The following RABGEF1 variants were observed in gnomAD, a reference collection of about 807,000 sequenced individuals.
RABGEF1 encodes the protein rab5 GDP/GTP exchange factor.
A neutral mutation model predicts 57.3 loss-of-function variants in RABGEF1; 26 were observed. The observed-to-expected ratio is 0.45, with a 90% CI of 0.33 to 0.63. The LOEUF (loss-of-function observed/expected upper bound fraction) is 0.63, where lower values mean the gene tolerates loss of function less well. Ranked by LOEUF, RABGEF1 falls within the 20% of genes least tolerant of loss-of-function variation. The pLI is 0.02. For missense variants in RABGEF1, 464 were observed against 607.6 expected (o/e 0.76, Z 2.48); for synonymous variants, 185 against 210.7 (o/e 0.88, Z 1.06).
chr7:66,732,252 T>G (rs1400357940), intron 2 of RABGEF1, among the ~76,000 whole-genome samples: 1 of 152,182 alleles, frequency 6.6e-6, no homozygotes, highest in Non-Finnish European at 1.5e-5. Flanking sequence ...GCCATGGGGC[T>G]GAGCAGGCAG....
intron 1 of RABGEF1, among the ~76,000 whole-genome samples, chr7:66,695,699 C>T (rs1792220180): frequency 1.3e-5 from 2 of 152,288 alleles, no homozygotes; most frequent in South Asian, 4.1e-4. Context: ...GGCGCAGTGG[C>T]TCACATCTGT....
At chr7:66,717,302 T>C (rs1345792606) in intron 2 of RABGEF1, among the ~76,000 whole-genome samples, 1 of 152,220 alleles carries the variant, frequency 6.6e-6, no homozygotes, top group Admixed American at 6.5e-5. Flanking sequence ...AACCTGGCTA[T>C]CATGTAGGTT....
intron 2 of RABGEF1, among the ~76,000 whole-genome samples, chr7:66,735,415 T>G (rs924334385): frequency 4.6e-5 from 7 of 152,216 alleles, no homozygotes; most frequent in African/African-American, 1.7e-4. Flanking sequence ...GAGATCCACA[T>G]AAGACCTTTG....
chr7:66,691,532 T>TA (rs1173670781), intron 1 of RABGEF1, among the ~76,000 whole-genome samples: 3 of 152,196 alleles, frequency 2.0e-5, no homozygotes, highest in Admixed American at 6.6e-5. Flanking sequence ...GTCTGTGACT[T>TA]ACAATGGTTT....
chr7:66,660,999 G>A, the RABGEF1 span, among the ~76,000 whole-genome samples: 1 of 151,974 alleles, frequency 6.6e-6, no homozygotes, highest in Non-Finnish European at 1.5e-5. Context: ...ATTAAGGCAG[G>A]TGGATCACTT....
intron 1 of RABGEF1, among the ~76,000 whole-genome samples, chr7:66,746,768 C>T (rs765183210): frequency 6.7e-5 from 10 of 149,866 alleles, no homozygotes; most frequent in Non-Finnish European, 3.0e-5. Context: ...GGAATATGGG[C>T]TCCTGCCACC....
At chr7:66,715,765 A>G (rs1313152194) in intron 2 of RABGEF1, among the ~76,000 whole-genome samples, 2 of 151,552 alleles carry the variant, frequency 1.3e-5, no homozygotes, top group Admixed American at 1.3e-4. Context: ...TTTTTTAGAG[A>G]TGGGTCTCGG....
intron 1 of RABGEF1, among the ~76,000 whole-genome samples, chr7:66,692,023 C>T (rs543906108): frequency 6.6e-6 from 1 of 152,282 alleles, no homozygotes; most frequent in Non-Finnish European, 1.5e-5. Context: ...TGCCACTGCA[C>T]TCCAGCTTGA....
At chr7:66,665,576 TG>T in the RABGEF1 span, among the ~76,000 whole-genome samples, 2 of 152,158 alleles carry the variant, frequency 1.3e-5, no homozygotes, top group African/African-American at 4.8e-5. Context: ...ACCTCTGAGC[TG>T]AGTGACCCTG....
At chr7:66,732,362 C>T (rs1335573834) in intron 2 of RABGEF1, among the ~76,000 whole-genome samples, 3 of 152,352 alleles carry the variant, frequency 2.0e-5, no homozygotes, top group East Asian at 3.9e-4. Flanking sequence ...CTGGGCTTGG[C>T]TCCCCTGCTG....
intron 4 of RABGEF1, among the ~76,000 whole-genome samples, chr7:66,784,880 T>C (rs1810798661): frequency 6.6e-6 from 1 of 152,092 alleles, no homozygotes; most frequent in South Asian, 2.1e-4. Context: ...TTAGGAAACA[T>C]GATAGATATC....
intron 2 of RABGEF1, among the ~76,000 whole-genome samples, chr7:66,773,400 C>T (rs948187720): frequency 2.0e-5 from 3 of 152,174 alleles, no homozygotes; most frequent in African/African-American, 4.8e-5. Context: ...AAAGAGGGGT[C>T]CCGATTCCAC....
upstream of RABGEF1, chr7:66,740,561 G>A (rs1301289950): frequency 1.3e-5 from 2 of 152,518 alleles, no homozygotes; most frequent in Non-Finnish European, 2.9e-5. Flanking sequence ...TGGGCGTCAG[G>A]GCGGTACCCC....
the RABGEF1 span, among the ~76,000 whole-genome samples, chr7:66,671,521 A>G: frequency 2.6e-5 from 4 of 152,330 alleles, no homozygotes; most frequent in African/African-American, 9.6e-5. Context: ...GACTTCTTTC[A>G]GTAGTTTAAA....
the RABGEF1 span, among the ~76,000 whole-genome samples, chr7:66,673,735 A>C: frequency 6.6e-6 from 1 of 151,564 alleles, no homozygotes; most frequent in Non-Finnish European, 1.5e-5. Flanking sequence ...TAAATAATCT[A>C]AAAAGCTGGT....
the RABGEF1 span, among the ~76,000 whole-genome samples, chr7:66,665,638 G>T: frequency 1.3e-5 from 2 of 152,156 alleles, no homozygotes; most frequent in African/African-American, 4.8e-5. Context: ...TGAAGAAAGG[G>T]TACAAGAGAA....
At chr7:66,735,301 C>T (rs2129040680) in intron 2 of RABGEF1, among the ~76,000 whole-genome samples, 2 of 152,336 alleles carry the variant, frequency 1.3e-5, no homozygotes, top group South Asian at 4.1e-4. Flanking sequence ...TCCCTGATCT[C>T]ACTCCAGCAT....
At chr7:66,712,399 TA>T (rs1321628286) in intron 2 of RABGEF1, among the ~76,000 whole-genome samples, 2 of 152,248 alleles carry the variant, frequency 1.3e-5, no homozygotes, top group African/African-American at 2.4e-5. Flanking sequence ...TGCTAGCACA[TA>T]AATACACAAT....
Position 66,809,377 on chromosome 7 carries a change from C to A in RABGEF1, c.*93C>A. ...TGGGATCTAGAATGTAACTAAATTG[C>A]TTATAAATGTCAGCATTTTTTAAAG... On this transcript the variant is annotated 3_prime_UTR_variant, in exon 9 of 9. Transcript: ENST00000284957. The A allele has an allele frequency of 7.8e-7, 1 of 1,281,114 alleles. No individual in the cohort carries two copies. The highest frequency in any genetic ancestry group is 2.6e-5 in the East Asian group (1 of 38,902). The allele number at this position is 1,281,114 out of a possible 1,614,324, so 79.4% of individuals were successfully genotyped here. A position where few individuals can be genotyped will look rare whatever the true frequency, so the allele number is the denominator to read the frequency against.
Sources: allele counts gnomAD v4.1 joint callset (sites outside exome capture counted in the v4.1 genomes callset), GRCh38; gene constraint gnomAD v4.1.1; transcripts MANE v1.5; gene names NCBI Gene and HGNC (gene_info 2026-07-23, HGNC 2026-07-21).